ZNF354A: variants seen among roughly 807,000 people sequenced by gnomAD.
ZNF354A encodes zinc finger protein 354A, also known as epididymis luminal protein 104.
In ZNF354A, 25 loss-of-function variants were observed where a neutral mutation model predicts 53.3. The ratio of observed to expected loss-of-function variants is 0.47; its 90% CI spans 0.34 to 0.66. The LOEUF is 0.66. Ranked by LOEUF, ZNF354A falls within the 30% of genes least tolerant of loss-of-function variation. ZNF354A has a pLI of 0.01. For missense variants in ZNF354A, 586 were observed against 716.8 expected, an observed-to-expected ratio of 0.82 and a Z score of 2.08; for synonymous variants, 228 against 249.0, an observed-to-expected ratio of 0.92 and a Z score of 0.79.
intron 4 of ZNF354A, among the ~76,000 whole-genome samples, chr5:178,724,843 C>T (rs1765875312): frequency 6.6e-6 from 1 of 152,208 alleles, no homozygotes; most frequent in Admixed American, 6.5e-5. Flanking sequence ...CTCTTGTTTT[C>T]AGGGTGGTGA....
chr5:178,711,907 T>C lies in ZNF354A; in HGVS notation c.*153A>G, dbSNP rs1388927494. 1 of 876,510 alleles carries C rather than the reference T, an allele frequency of 1.1e-6. No homozygotes were observed. Among genetic ancestry groups the C allele is most frequent in the Non-Finnish European group, 1.7e-6 (1 of 605,518 alleles). The allele number at this position is 876,510 out of a possible 1,614,324, so 54.3% of individuals were successfully genotyped here. A position where few individuals can be genotyped will look rare whatever the true frequency, so the allele number is the denominator to read the frequency against. The stretch of plus-strand genomic sequence containing the variant: ...GCACAAACACTTTCCTCATATCTAT[T>C]ATATAGCTGAGGTTTATCCATGGAA... On this transcript the variant is annotated 3_prime_UTR_variant, in exon 5 of 5. Coordinates refer to ENST00000335815, the MANE Select transcript of ZNF354A (RefSeq NM_005649.3).
intron 4 of ZNF354A, among the ~76,000 whole-genome samples, chr5:178,717,370 T>C (rs1561617710): frequency 6.6e-6 from 1 of 151,938 alleles, no homozygotes; most frequent in Non-Finnish European, 1.5e-5. Flanking sequence ...AAGGAAGAGC[T>C]AGCGGGACCA....
chr5:178,725,155 T>C (rs1765881080), intron 4 of ZNF354A, among the ~76,000 whole-genome samples: 1 of 152,218 alleles, frequency 6.6e-6, no homozygotes. Flanking sequence ...AATGAATACA[T>C]GAAAATACAG....
In ZNF354A at chr5:178,713,554, T is replaced by C. The variant is rs553987292; in HGVS notation, c.324A>G (p.Ile108Met). 3.3e-5 allele frequency: 53 copies of C among 1,608,544 alleles called. No homozygotes were observed. The South Asian group carries it at 5.5e-4, about 17-fold the overall frequency. ...QTQDSSFQGL[I>M]LKRSNRNVPW... ...GTACATTCCTGTTGGATCTTTTCAG[T>C]ATCAGTCCCTGAAATGAAGAGTCTT... Residue 108 changes from isoleucine (I) to methionine (M), a missense_variant, in exon 5 of 5, where the codon ATA becomes ATG. By Grantham distance (10) the Ile-to-Met change is conservative (BLOSUM62 1). Around this residue, in one of 2 missense-constraint regions of ZNF354A, gnomAD observed 573 missense variants for 680.1 expected, o/e 0.84. Transcript: ENST00000335815.
Position 178,711,877 on chromosome 5 carries a change from G to T in ZNF354A, c.*183C>A. ...TCTCAGGTTATTTTTTTAAGTGTCT[G>T]ACAGGCACAAACACTTTCCTCATAT... On this transcript the variant is annotated 3_prime_UTR_variant, in exon 5 of 5. Transcript: ENST00000335815. 1.6e-6 allele frequency: 1 copy of T among 616,180 alleles called. No homozygotes were observed. Among genetic ancestry groups the T allele is most frequent in the Non-Finnish European group, 2.5e-6 (1 of 401,050 alleles). 38.2% of individuals were successfully genotyped at this position (616,180 alleles called of 1,614,324 possible). A position where few individuals can be genotyped will look rare whatever the true frequency, so the allele number is the denominator to read the frequency against.
intron 4 of ZNF354A, among the ~76,000 whole-genome samples, chr5:178,722,031 T>C (rs1048029821): frequency 1.3e-5 from 2 of 152,198 alleles, no homozygotes; most frequent in African/African-American, 2.4e-5. Flanking sequence ...CATCTACTGC[T>C]ACCATTCCAT....
chr5:178,722,019 C>T (rs1765821369), intron 4 of ZNF354A, among the ~76,000 whole-genome samples: 1 of 152,190 alleles, frequency 6.6e-6, no homozygotes, highest in Non-Finnish European at 1.5e-5. Context: ...TCTACTTTTC[C>T]CCATCTACTG....
chr5:178,729,527 G>A (rs1384259719), intron 1 of ZNF354A: 1 of 206,436 alleles, frequency 4.8e-6, no homozygotes, highest in Non-Finnish European at 9.7e-6. Flanking sequence ...TCCCGCCAAC[G>A]AATCATCTCC....
chr5:178,722,865 C>T (rs1226468116), intron 4 of ZNF354A, among the ~76,000 whole-genome samples: 3 of 152,152 alleles, frequency 2.0e-5, no homozygotes, highest in African/African-American at 4.8e-5. Context: ...TGCAGGGCTG[C>T]GTGTCAGATG....
chr5:178,727,852 AT>A (rs35216090), intron 2 of ZNF354A, among the ~76,000 whole-genome samples: 36,231 of 149,128 alleles, frequency 0.24, 5,017 homozygotes, highest in South Asian at 0.35. Flanking sequence ...ACTTGTACAC[AT>A]TTTTTTTTTT....
Position 178,723,845 on chromosome 5 carries a change from C to T in ZNF354A, c.256+1531G>A, listed in dbSNP as rs183408304. On this transcript the variant is annotated intron_variant, in intron 4 of 4. Coordinates refer to ENST00000335815, the MANE Select transcript of ZNF354A (RefSeq NM_005649.3). ...CCCCACTGCCACGATGGCCCCTCCC[C>T]GTTTCTCTACTCTGATTACTTCTCG... Among the ~76,000 whole-genome samples, 690 of 152,114 alleles carry T rather than the reference C, an allele frequency of 4.5e-3. 5 individuals carry two copies. The highest frequency in any genetic ancestry group is 0.016 in the African/African-American group (657 of 41,492).
rs1308362217 is a variant in ZNF354A, at chr5:178,730,610, C to T, written c.-106G>A. ...CCTCCCCAGCCGCGAGGCTCCGGAA[C>T]CGCCGGCCGGGATGCAGCCTCGCGA... is the stretch of plus-strand genomic sequence containing the variant. On this transcript the variant is annotated 5_prime_UTR_variant, in exon 1 of 5. Coordinates refer to ENST00000335815, the MANE Select transcript of ZNF354A (RefSeq NM_005649.3). 1 of 151,924 alleles carries T rather than the reference C, an allele frequency of 6.6e-6. No homozygotes were observed. The highest frequency in any genetic ancestry group is 2.4e-5 in the African/African-American group (1 of 41,424). The allele number at this position is 151,924 out of a possible 1,614,324, so 9.4% of individuals were successfully genotyped here.
At chr5:178,717,537 A>AG (rs1283548336) in intron 4 of ZNF354A, among the ~76,000 whole-genome samples, 1 of 151,524 alleles carries the variant, frequency 6.6e-6, no homozygotes, top group Non-Finnish European at 1.5e-5. Flanking sequence ...AGACCAGGAA[A>AG]GGGGCAAGGC....
At chr5:178,718,307 C>T (rs1233751923) in intron 4 of ZNF354A, among the ~76,000 whole-genome samples, 1 of 152,188 alleles carries the variant, frequency 6.6e-6, no homozygotes, top group Non-Finnish European at 1.5e-5. Flanking sequence ...TCCTCAGCTA[C>T]CTGTTAAACA....
chr5:178,726,361 A>AGACAG, intron 3 of ZNF354A: 1 of 362,816 alleles, frequency 2.8e-6, no homozygotes, highest in Non-Finnish European at 5.6e-6. Context: ...CCCAGGCTGG[A>AGACAG]GTGCAGTGGC....
chr5:178,726,168 G>A, intron 3 of ZNF354A: 1 of 455,788 alleles, frequency 2.2e-6, no homozygotes. Context: ...AAGGATGGCA[G>A]TGATCAGCAA....
chr5:178,721,085 C>G (rs1205669736), intron 4 of ZNF354A, among the ~76,000 whole-genome samples: 1 of 151,964 alleles, frequency 6.6e-6, no homozygotes, highest in Non-Finnish European at 1.5e-5. Flanking sequence ...TAGATTCTAC[C>G]CCTGTTCCAT....
rs1053954171 is a variant in ZNF354A, at chr5:178,712,032, A to G, written c.*28T>C. The G allele has an allele frequency of 4.5e-6, 7 of 1,541,832 alleles. No homozygotes were observed. In the African/African-American group the frequency reaches 9.7e-5, roughly 21 times the overall value. On this transcript the variant is annotated 3_prime_UTR_variant, in exon 5 of 5. Coordinates refer to ENST00000335815, the MANE Select transcript of ZNF354A (RefSeq NM_005649.3). ...TGTATTCTTCGATGAGCTTTGGTTT[A>G]AGGCTTTCACACATACAAATCTACT...
chr5:178,725,597 TG>T, intron 3 of ZNF354A, 126 bp from the exon 4 acceptor site: 3 of 960,170 alleles, frequency 3.1e-6, no homozygotes, highest in Non-Finnish European at 4.7e-6. Context: ...GCTTCAGTTG[TG>T]CCCCTGGGAG....
Sources: gnomAD v4.1 joint callset for allele counts (sites outside exome capture counted in the v4.1 genomes callset) on GRCh38, gnomAD v4.1.1 for gene constraint, gnomAD v4.1.1 regional missense constraint, MANE v1.5 for transcripts, NCBI Gene and HGNC (gene_info 2026-07-23, HGNC 2026-07-21) for gene names.